RANBP3: variants seen among roughly 807,000 people sequenced by gnomAD.
RANBP3 encodes the protein ran-binding protein 3.
RANBP3 carries 14 observed loss-of-function variants against 77.3 expected under a neutral mutation model. That is an observed-to-expected ratio of 0.18 (90% CI 0.12 to 0.28). The LOEUF (loss-of-function observed/expected upper bound fraction) is 0.28, where lower values mean the gene tolerates loss of function less well. Among genes scored for constraint, RANBP3 ranks in the 10% least tolerant of loss-of-function variants. RANBP3 has a pLI of 1.00. For synonymous variants in RANBP3, 315 were observed against 312.4 expected, an observed-to-expected ratio of 1.01 and a Z score of -0.09; for missense variants, 586 against 752.3, an observed-to-expected ratio of 0.78 and a Z score of 2.59.
chr19:5,931,449 T>C lies in RANBP3; in HGVS notation c.648A>G (p.Ala216=), dbSNP rs761477217. Residue 216 remains alanine, a synonymous_variant, in exon 8 of 17, where the codon GCA becomes GCG. Coordinates refer to ENST00000340578, the MANE Select transcript of RANBP3 (RefSeq NM_007322.3). ...CGGCAGCTTCGGAAGGACTTCTCCA[T>C]GCAGCAGTGTCAGGGGATGCTGCGG... is the stretch of plus-strand genomic sequence containing the variant. ...AVPAASPDTA[A]WRSPSEAADE... The C allele has an allele frequency of 1.5e-4, 234 of 1,612,904 alleles. No homozygotes were observed. Among genetic ancestry groups the C allele is most frequent in the Non-Finnish European group, 1.8e-4 (217 of 1,179,674 alleles).
intron 5 of RANBP3, among the ~76,000 whole-genome samples, chr19:5,936,336 G>A (rs768269875): frequency 5.3e-5 from 8 of 152,226 alleles, no homozygotes; most frequent in Admixed American, 3.3e-4. Context: ...TGCCCCTGGC[G>A]TCATCTCCAC....
chr19:5,921,091 T>C lies in RANBP3; in HGVS notation c.1330+110A>G. On this transcript the variant is annotated intron_variant, in intron 14 of 16. Coordinates refer to ENST00000340578, the MANE Select transcript of RANBP3 (RefSeq NM_007322.3). The surrounding 1 kb of genome is among the most constrained non-coding windows in gnomAD (Gnocchi z 5.3). ...TGGGAGACCGACTCTGTGCCTTGAC[T>C]CTCACAAGGGTAGGGTCAGGATCTC... 7.2e-7 allele frequency: 1 copy of C among 1,379,420 alleles called. No individual in the cohort carries two copies. The highest frequency in any genetic ancestry group is 9.7e-7 in the Non-Finnish European group (1 of 1,029,238). 85.4% of individuals were successfully genotyped at this position (1,379,420 alleles called of 1,614,324 possible).
chr19:5,920,617 G>C (rs544542549), intron 14 of RANBP3, among the ~76,000 whole-genome samples: 2 of 151,950 alleles, frequency 1.3e-5, no homozygotes, highest in African/African-American at 4.8e-5. Flanking sequence ...GCTCAATCTC[G>C]GCTCACTGCA....
chr19:5,942,204 C>T (rs765943327), intron 3 of RANBP3, among the ~76,000 whole-genome samples: 3 of 152,196 alleles, frequency 2.0e-5, no homozygotes, highest in Admixed American at 6.5e-5. Flanking sequence ...CCCTCTCCAC[C>T]CTTGAGGGCA....
intron 1 of RANBP3, among the ~76,000 whole-genome samples, chr19:5,977,377 C>G (rs374463761): frequency 1.8e-4 from 28 of 152,126 alleles, no homozygotes; most frequent in African/African-American, 6.7e-4. Context: ...GGGACTCGCA[C>G]GGTCTCTTGT....
At chr19:5,937,958 C>T (rs1258383192) in intron 5 of RANBP3, among the ~76,000 whole-genome samples, 1 of 152,216 alleles carries the variant, frequency 6.6e-6, no homozygotes, top group Non-Finnish European at 1.5e-5. Flanking sequence ...TGCCCCCATC[C>T]AGACCACCAC....
chr19:5,973,999 T>C (rs2145292485), intron 1 of RANBP3, among the ~76,000 whole-genome samples: 2 of 152,132 alleles, frequency 1.3e-5, no homozygotes, highest in Non-Finnish European at 2.9e-5. Context: ...TACCAGTGAG[T>C]CTCTCACCTG....
intron 1 of RANBP3, chr19:5,962,718 C>T (rs1056570940): frequency 3.7e-5 from 17 of 455,956 alleles, no homozygotes; most frequent in African/African-American, 3.0e-4. Flanking sequence ...GCACCCAAAA[C>T]ACAGAGCGTC....
chr19:5,941,867 G>A (rs777858840), intron 3 of RANBP3, 32 bp from the exon 4 acceptor site: 1 of 1,611,812 alleles, frequency 6.2e-7, no homozygotes, highest in Non-Finnish European at 8.5e-7. Flanking sequence ...CGGGGTCAGA[G>A]GGCATCAGGC....
intron 11 of RANBP3, 55 bp from the exon 12 acceptor site, chr19:5,923,969 G>T: frequency 1.5e-6 from 2 of 1,343,828 alleles, no homozygotes; most frequent in Non-Finnish European, 2.1e-6. Flanking sequence ...TCCTTCAGCA[G>T]CAGCTCTGAG....
At chr19:5,957,760 T>C in intron 2 of RANBP3, 158 bp downstream of exon 2, 2 of 754,660 alleles carry the variant, frequency 2.7e-6, no homozygotes, top group East Asian at 2.5e-5. Flanking sequence ...CCAAGCCTTT[T>C]CCCTCCAAGC....
Position 5,933,487 on chromosome 19 carries a change from C to T in RANBP3, c.407-8G>A, listed in dbSNP as rs569950681. 6.8e-5 allele frequency: 109 copies of T among 1,612,790 alleles called. 2 individuals are homozygous for T. The South Asian group carries it at 1.1e-3, about 16-fold the overall frequency. On this transcript the variant is annotated splice_region_variant and splice_polypyrimidine_tract_variant and intron_variant, in intron 5 of 16. Transcript: ENST00000340578. ...AGCCACTGCTCCTTTCCTCTAAAAG[C>T]ACAAGACAAAATATCAACAGCAGGC...
chr19:5,964,766 C>T (rs1442952605), intron 1 of RANBP3, among the ~76,000 whole-genome samples: 1 of 148,738 alleles, frequency 6.7e-6, no homozygotes, highest in Non-Finnish European at 1.5e-5. Flanking sequence ...GGGCCTAGTA[C>T]TGTGCTAATG....
At chr19:5,954,685 C>A (rs1193348571) in intron 2 of RANBP3, among the ~76,000 whole-genome samples, 1 of 152,266 alleles carries the variant, frequency 6.6e-6, no homozygotes, top group African/African-American at 2.4e-5. Flanking sequence ...AAAGCTCGGT[C>A]CCAGCTCGGC....
At chr19:5,931,891 T>G (rs1008040104) in intron 7 of RANBP3, among the ~76,000 whole-genome samples, 16 of 151,856 alleles carry the variant, frequency 1.1e-4, no homozygotes, top group African/African-American at 3.9e-4. Context: ...ACAAACTGGC[T>G]GGGTGTGGTG....
intron 8 of RANBP3, among the ~76,000 whole-genome samples, chr19:5,929,027 G>A (rs2057951759): frequency 6.6e-6 from 1 of 152,186 alleles, no homozygotes; most frequent in Non-Finnish European, 1.5e-5. Context: ...ACTCGGAGGT[G>A]AGAAAGGCTG....
intron 14 of RANBP3, among the ~76,000 whole-genome samples, chr19:5,919,632 C>T (rs1479160951): frequency 6.6e-6 from 1 of 152,204 alleles, no homozygotes; most frequent in Non-Finnish European, 1.5e-5. Flanking sequence ...GGCACAGTGG[C>T]TCAAGCCTGT....
intron 1 of RANBP3, among the ~76,000 whole-genome samples, chr19:5,973,126 G>A (rs2058549641): frequency 6.6e-6 from 1 of 152,172 alleles, no homozygotes; most frequent in South Asian, 2.1e-4. Flanking sequence ...TCTGCTCTAA[G>A]CAAAAATCCC....
Position 5,961,116 on chromosome 19 carries a change from C to A in RANBP3, c.23-3143G>T, listed in dbSNP as rs1391624991. Among the ~76,000 whole-genome samples the A allele has an allele frequency of 3.9e-5, 6 of 152,202 alleles. No individual in the cohort carries two copies. The East Asian group carries it at 1.2e-3, about 29-fold the overall frequency. ...TCCCTTAGATCTGGCCTCCACAGAGCAGCCAGAAGCACTATCATGAAACAC... is the reference window on the plus strand; with the variant it reads ...TCCCTTAGATCTGGCCTCCACAGAGAAGCCAGAAGCACTATCATGAAACAC... On this transcript the variant is annotated intron_variant, in intron 1 of 16. Transcript: ENST00000340578.
Sources: gnomAD v4.1 joint callset for allele counts (sites outside exome capture counted in the v4.1 genomes callset) on GRCh38, gnomAD v4.1.1 for gene constraint, Gnocchi (gnomAD v3.1) non-coding constraint, MANE v1.5 for transcripts, NCBI Gene and HGNC (gene_info 2026-07-23, HGNC 2026-07-21) for gene names.